The following NIM1K variants were observed in gnomAD, a reference collection of about 807,000 sequenced individuals.
NIM1K encodes the protein NIM1 serine/threonine protein kinase, also known as serine/threonine-protein kinase NIM1.
A neutral mutation model predicts 37.1 loss-of-function variants in NIM1K; 35 were observed. That is an observed-to-expected ratio of 0.94 (90% CI 0.72 to 1.25). The LOEUF (loss-of-function observed/expected upper bound fraction) is 1.25. Among genes scored for constraint, NIM1K ranks in the 50% most tolerant of loss-of-function variants. The pLI, the probability that NIM1K is intolerant of heterozygous loss-of-function variation, is 0.00. For missense variants in NIM1K, 564 were observed against 548.0 expected (o/e 1.03, Z -0.29); for synonymous variants, 234 against 206.6 (o/e 1.13, Z -1.14).
At chr5:43,238,189 C>T (rs1752648205) in intron 1 of NIM1K, among the ~76,000 whole-genome samples, 1 of 151,842 alleles carries the variant, frequency 6.6e-6, no homozygotes, top group Non-Finnish European at 1.5e-5. Context: ...ACTACAGGCG[C>T]CCGCCACCAC....
intron 1 of NIM1K, among the ~76,000 whole-genome samples, chr5:43,197,359 G>A (rs1321676841): frequency 6.6e-6 from 1 of 151,384 alleles, no homozygotes; most frequent in Non-Finnish European, 1.5e-5. Context: ...TGCCCAGGCT[G>A]GTCTTGAACT....
chr5:43,194,468 T>A (rs1751881533), intron 1 of NIM1K, among the ~76,000 whole-genome samples: 1 of 152,182 alleles, frequency 6.6e-6, no homozygotes, highest in African/African-American at 2.4e-5. Flanking sequence ...AGGTGTGTGC[T>A]TTTTTTCTAA....
In NIM1K at chr5:43,207,244, C is replaced by T. The variant is rs547126380; in HGVS notation, c.-695+14833C>T. The T allele has an allele frequency of 2.0e-5, 15 of 757,134 alleles. No homozygotes were observed. The South Asian group carries it at 2.0e-4, about 10-fold the overall frequency. 46.9% of individuals were successfully genotyped at this position (757,134 alleles called of 1,614,324 possible). On this transcript the variant is annotated intron_variant, in intron 1 of 3. Coordinates refer to ENST00000326035, the MANE Select transcript of NIM1K (RefSeq NM_153361.4). ...ATACCTGGGACATCATGGGAAGTGGCAAAGATTACACTGGCAAAGATGTAC... is the reference window on the plus strand; with the variant it reads ...ATACCTGGGACATCATGGGAAGTGGTAAAGATTACACTGGCAAAGATGTAC...
intron 1 of NIM1K, among the ~76,000 whole-genome samples, chr5:43,196,144 G>A (rs763152848): frequency 6.6e-6 from 1 of 152,078 alleles, no homozygotes; most frequent in Admixed American, 6.6e-5. Flanking sequence ...CTGCTCATTA[G>A]ATCTTTTCTC....
At chr5:43,266,079 T>C (rs994864324) in intron 2 of NIM1K, among the ~76,000 whole-genome samples, 1 of 152,218 alleles carries the variant, frequency 6.6e-6, no homozygotes, top group African/African-American at 2.4e-5. Flanking sequence ...GGGACCCACT[T>C]GAGGAGGAAG....
chr5:43,219,808 C>A (rs532014426), intron 1 of NIM1K, among the ~76,000 whole-genome samples: 8 of 149,698 alleles, frequency 5.3e-5, no homozygotes, highest in African/African-American at 2.0e-4. Context: ...CTGCAACCTC[C>A]GCCCCCTGGG....
rs1025317052 is a variant in NIM1K at position 43,211,885 on chromosome 5, GCTAGAAGGTT to G, written c.-695+19477_-695+19486del. Among the ~76,000 whole-genome samples, 15 of 152,250 alleles carry G rather than the reference GCTAGAAGGTT, an allele frequency of 9.9e-5. No homozygotes were observed. In the East Asian group the frequency reaches 1.9e-3, roughly 20 times the overall value. On this transcript the variant is annotated intron_variant, in intron 1 of 3. Coordinates refer to ENST00000326035, the MANE Select transcript of NIM1K (RefSeq NM_153361.4). ...ATTAAGATGGGAAGTAGGGAAGCCT[GCTAGAAGGTT>G]CTTAAAGCCACCTAGGCACAGAATG... is the stretch of plus-strand genomic sequence containing the variant.
intron 1 of NIM1K, among the ~76,000 whole-genome samples, chr5:43,211,343 A>C (rs1430516423): frequency 6.6e-6 from 1 of 152,164 alleles, no homozygotes; most frequent in Non-Finnish European, 1.5e-5. Context: ...TGGTCTGCTC[A>C]GTTGTGGTTA....
intron 1 of NIM1K, among the ~76,000 whole-genome samples, chr5:43,213,950 T>TTTCC (rs1554013658): frequency 9.9e-5 from 15 of 150,952 alleles, no homozygotes; most frequent in Admixed American, 2.0e-4. Flanking sequence ...TCTTTCTTTC[T>TTTCC]TTTTTCTTTC....
intron 2 of NIM1K, among the ~76,000 whole-genome samples, chr5:43,271,785 C>A (rs1403346490): frequency 1.3e-5 from 2 of 152,122 alleles, no homozygotes; most frequent in East Asian, 3.9e-4. Context: ...TCCATTATCA[C>A]AAGGGCCCTT....
In NIM1K at chr5:43,265,254, C is replaced by A. The variant is rs1198144969; in HGVS notation, c.293-11803C>A. 1.3e-5 allele frequency among the ~76,000 whole-genome samples: 2 copies of A among 152,202 alleles called. 1 individual carries two copies. The highest frequency in any genetic ancestry group is 1.3e-4 in the Admixed American group (2 of 15,278). On this transcript the variant is annotated intron_variant, in intron 2 of 3. Transcript: ENST00000326035. ...TTCTCTCCGTCACTTTCAGGTACACCAATCAGACGTAGATTTGGTCTTTTC... is the reference window on the plus strand; with the variant it reads ...TTCTCTCCGTCACTTTCAGGTACACAAATCAGACGTAGATTTGGTCTTTTC...
At chr5:43,271,998 G>GTTT (rs1753263717) in intron 2 of NIM1K, among the ~76,000 whole-genome samples, 1 of 152,130 alleles carries the variant, frequency 6.6e-6, no homozygotes, top group Non-Finnish European at 1.5e-5. Flanking sequence ...TGTATCAATA[G>GTTT]TTGGTTCATT....
chr5:43,234,068 A>T (rs1752581539), intron 1 of NIM1K, among the ~76,000 whole-genome samples: 1 of 152,232 alleles, frequency 6.6e-6, no homozygotes, highest in African/African-American at 2.4e-5. Context: ...TCATGGTTTC[A>T]CATGTTGTAA....
rs11286972 is a variant in NIM1K at position 43,206,499 on chromosome 5, C to CAA, written c.-695+14109_-695+14110dup. 9.9e-3 allele frequency among the ~76,000 whole-genome samples: 826 copies of CAA among 83,092 alleles called. 14 individuals are homozygous for CAA. The highest frequency in any genetic ancestry group is 0.013 in the African/African-American group (259 of 19,796). 54.5% of individuals were successfully genotyped at this position (83,092 alleles called of 152,430 possible). A position where few individuals can be genotyped will look rare whatever the true frequency, so the allele number is the denominator to read the frequency against. On this transcript the variant is annotated intron_variant, in intron 1 of 3. Transcript: ENST00000326035. ...TGGGTGACAGAGTGAGACCCTGCCT[C>CAA]AAAAAAAAAAAAAAAAAAAAAATAG...
At chr5:43,207,581 C>T (rs1752135901) in intron 1 of NIM1K, 17 of 679,194 alleles carry the variant, frequency 2.5e-5, no homozygotes, top group Non-Finnish European at 4.0e-5. Flanking sequence ...CAGACTGAAT[C>T]TTGACCTCTC....
intron 3 of NIM1K, 96 bp from the exon 4 acceptor site, chr5:43,279,884 C>T (rs1326469466): frequency 9.0e-6 from 9 of 994,576 alleles, no homozygotes; most frequent in Non-Finnish European, 9.0e-6. Context: ...ATTTGTTATT[C>T]CACCATCATT....
intron 2 of NIM1K, among the ~76,000 whole-genome samples, chr5:43,251,696 C>A (rs891374003): frequency 6.6e-6 from 1 of 152,162 alleles, no homozygotes; most frequent in African/African-American, 2.4e-5. Context: ...TTTGTTCCAT[C>A]TTTATACCTC....
chr5:43,231,895 T>C, intron 1 of NIM1K: 5 of 1,064,968 alleles, frequency 4.7e-6, no homozygotes, highest in Non-Finnish European at 5.5e-6. Context: ...AGGGCAGTCA[T>C]GTCCTCACTG....
chr5:43,249,101 G>A (rs919414809), intron 2 of NIM1K, among the ~76,000 whole-genome samples: 22 of 148,698 alleles, frequency 1.5e-4, no homozygotes, highest in African/African-American at 4.7e-4. Context: ...ACAGAGTCTC[G>A]CTCTGTTGCC....
Sources: gnomAD v4.1 joint callset for allele counts (sites outside exome capture counted in the v4.1 genomes callset) on GRCh38, gnomAD v4.1.1 for gene constraint, MANE v1.5 for transcripts, NCBI Gene and HGNC (gene_info 2026-07-23, HGNC 2026-07-21) for gene names.